The following KCTD20 variants were observed in gnomAD, a reference collection of about 807,000 sequenced individuals.
KCTD20 encodes the protein BTB/POZ domain-containing protein KCTD20.
A neutral mutation model predicts 39.6 loss-of-function variants in KCTD20; 30 were observed. That is an observed-to-expected ratio of 0.76 (90% CI 0.57 to 1.03). The LOEUF is 1.03. Among genes scored for constraint, KCTD20 ranks in the 50% least tolerant of loss-of-function variants. KCTD20 has a pLI of 0.00. For missense variants in KCTD20, 422 were observed against 522.0 expected (o/e 0.81, Z 1.87); for synonymous variants, 162 against 180.6 (o/e 0.90, Z 0.83).
chr6:36,473,020 C>A (rs1775956402), intron 2 of KCTD20, among the ~76,000 whole-genome samples: 1 of 151,878 alleles, frequency 6.6e-6, no homozygotes, highest in Non-Finnish European at 1.5e-5. Context: ...CCTGCCTCAG[C>A]CTCCTGATAG....
At chr6:36,475,126 T>C in intron 3 of KCTD20, 64 bp downstream of exon 3, 3 of 1,502,654 alleles carry the variant, frequency 2.0e-6, no homozygotes, top group Non-Finnish European at 2.7e-6. Context: ...ACCTGCTGTT[T>C]ATCTTGCATT....
chr6:36,475,273 C>T (rs1776030707), intron 3 of KCTD20, among the ~76,000 whole-genome samples: 1 of 151,974 alleles, frequency 6.6e-6, no homozygotes, highest in Admixed American at 6.6e-5. Context: ...TGGTGAAACC[C>T]TATCTCTACT....
At chr6:36,480,410 CTTTTTTTTTTT>C (rs550520667) in intron 5 of KCTD20, among the ~76,000 whole-genome samples, 1 of 121,802 alleles carries the variant, frequency 8.2e-6, no homozygotes, top group South Asian at 2.6e-4. Context: ...ATGATATTGC[CTTTTTTTTTTT>C]TTTTTTTTTT....
chr6:36,483,479 T>C (rs1436952241), intron 6 of KCTD20, among the ~76,000 whole-genome samples: 3 of 152,068 alleles, frequency 2.0e-5, no homozygotes, highest in Non-Finnish European at 2.9e-5. Flanking sequence ...TCCCAAGTGC[T>C]GGGATTGCAG....
intron 5 of KCTD20, among the ~76,000 whole-genome samples, chr6:36,480,206 G>A (rs1335896680): frequency 6.6e-6 from 1 of 152,094 alleles, no homozygotes; most frequent in Non-Finnish European, 1.5e-5. Flanking sequence ...AAAGCACTGT[G>A]AGGAACTGGA....
At chr6:36,446,150 C>T (rs1775041539) in intron 1 of KCTD20, among the ~76,000 whole-genome samples, 1 of 151,448 alleles carries the variant, frequency 6.6e-6, no homozygotes, top group Admixed American at 6.6e-5. Flanking sequence ...CCTCAGCCTC[C>T]CGAGTAGCTG....
chr6:36,485,905 G>A (rs1392323295), intron 7 of KCTD20, among the ~76,000 whole-genome samples: 2 of 151,840 alleles, frequency 1.3e-5, no homozygotes, highest in Admixed American at 6.6e-5. Flanking sequence ...TTTAAAGTTG[G>A]AGGACTTTTT....
At chr6:36,465,834 C>T (rs1171771975) in intron 1 of KCTD20, 1 of 152,114 alleles carries the variant, frequency 6.6e-6, no homozygotes, top group Non-Finnish European at 1.5e-5. Context: ...GGAAGTGAAG[C>T]ATGAACTGGC....
At chr6:36,457,860 G>C (rs1775484492) in intron 1 of KCTD20, among the ~76,000 whole-genome samples, 1 of 152,136 alleles carries the variant, frequency 6.6e-6, no homozygotes. Flanking sequence ...AAGTCACAGT[G>C]GGTGTAATAG....
At chr6:36,457,846 A>G (rs1202293324) in intron 1 of KCTD20, among the ~76,000 whole-genome samples, 4 of 152,208 alleles carry the variant, frequency 2.6e-5, no homozygotes, top group Admixed American at 6.5e-5. Flanking sequence ...AAACTAGTGC[A>G]TGGAAGTCAC....
chr6:36,446,168 A>G (rs111624705), intron 1 of KCTD20, among the ~76,000 whole-genome samples: 15,678 of 151,644 alleles, frequency 0.1, 994 homozygotes, highest in Admixed American at 0.22. Context: ...CTGGGATTAC[A>G]GGCGCCCGCT....
chr6:36,458,342 C>T (rs901641619), intron 1 of KCTD20, among the ~76,000 whole-genome samples: 1 of 151,602 alleles, frequency 6.6e-6, no homozygotes, highest in African/African-American at 2.4e-5. Flanking sequence ...AGTTTGAGAC[C>T]AGCCTGACCA....
chr6:36,456,333 C>T (rs1775432536), intron 1 of KCTD20, among the ~76,000 whole-genome samples: 1 of 152,138 alleles, frequency 6.6e-6, no homozygotes, highest in African/African-American at 2.4e-5. Context: ...GGCTGGAGTG[C>T]AGTGGCGCAA....
At position 36,469,669 on chromosome 6, in the gene KCTD20, T is replaced by A. The variant is rs1775856811; in HGVS notation, c.-46-383T>A. On this transcript the variant is annotated intron_variant, in intron 1 of 7. Transcript: ENST00000373731. The surrounding 1 kb of genome is among the most constrained non-coding windows in gnomAD (Gnocchi z 4.6). The stretch of plus-strand genomic sequence containing the variant: ...GTTGCAACAGTGTATGTGTCAATTT[T>A]AAAAAAACATAGGTTTTCTTTAGTT... Among the ~76,000 whole-genome samples the A allele has an allele frequency of 6.6e-6, 1 of 152,192 alleles. No individual in the cohort carries two copies. The highest frequency in any genetic ancestry group is 1.5e-5 in the Non-Finnish European group (1 of 68,016).
chr6:36,485,488 C>CTTTTTTTTTTTTTT (rs34990483), intron 7 of KCTD20, among the ~76,000 whole-genome samples: 2 of 97,100 alleles, frequency 2.1e-5, no homozygotes, highest in Non-Finnish European at 4.0e-5. Flanking sequence ...TGGAGTGGAT[C>CTTTTTTTTTTTTTT]TTTTTTTTTT....
rs1436217748 is a variant in KCTD20, at chr6:36,469,397, G to T, written c.-46-655G>T. Among the ~76,000 whole-genome samples the T allele has an allele frequency of 6.6e-6, 1 of 152,190 alleles. No individual in the cohort carries two copies. ...CTTGCACGTGGCAGTCACATAGTGT[G>T]TGTTGTTCATGGGGACTCTGCACTG... On this transcript the variant is annotated intron_variant, in intron 1 of 7. Coordinates refer to ENST00000373731, the MANE Select transcript of KCTD20 (RefSeq NM_173562.5). This position sits in a 1 kb window ranked among gnomAD's most constrained non-coding sequence, Gnocchi z 4.6.
At chr6:36,483,866 G>C (rs1776337422) in intron 6 of KCTD20, among the ~76,000 whole-genome samples, 2 of 149,384 alleles carry the variant, frequency 1.3e-5, no homozygotes, top group African/African-American at 4.9e-5. Flanking sequence ...TTCTTAGTAA[G>C]TAAAAAAAAA....
intron 1 of KCTD20, among the ~76,000 whole-genome samples, chr6:36,457,368 T>A (rs1775468857): frequency 6.6e-6 from 1 of 152,188 alleles, no homozygotes; most frequent in South Asian, 2.1e-4. Context: ...ATTTTACCAA[T>A]ACTGAGCATT....
chr6:36,472,334 G>A (rs548701278), intron 2 of KCTD20, among the ~76,000 whole-genome samples: 1 of 152,072 alleles, frequency 6.6e-6, no homozygotes, highest in Non-Finnish European at 1.5e-5. Context: ...ACTCTAAATA[G>A]GTTTTTGATC....
Sources: allele counts gnomAD v4.1 joint callset (sites outside exome capture counted in the v4.1 genomes callset), GRCh38; gene constraint gnomAD v4.1.1; non-coding constraint Gnocchi (gnomAD v3.1); transcripts MANE v1.5; gene names NCBI Gene and HGNC (gene_info 2026-07-23, HGNC 2026-07-21).